Variants in PTPRD observed in about 807,000 individuals in gnomAD.
The protein encoded by PTPRD is receptor-type tyrosine-protein phosphatase delta.
A neutral mutation model predicts 214.5 loss-of-function variants in PTPRD; 34 were observed. The observed-to-expected ratio is 0.16, with a 90% CI of 0.12 to 0.21. PTPRD has a LOEUF of 0.21. Ranked by LOEUF, PTPRD falls within the 10% of genes least tolerant of loss-of-function variation. PTPRD has a pLI of 1.00. For missense variants in PTPRD, 2,545 were observed against 2,398.7 expected, an observed-to-expected ratio of 1.06 and a Z score of -1.27; for synonymous variants, 1,128 against 845.7, an observed-to-expected ratio of 1.33 and a Z score of -5.79.
rs71332760 is a variant in PTPRD at position 10,564,171 on chromosome 9, CTTTTTTTT to C, written c.-600+48219_-600+48226del. On this transcript the variant is annotated intron_variant, in intron 2 of 45. Coordinates refer to ENST00000381196, the MANE Select transcript of PTPRD (RefSeq NM_002839.4). ...GTGTGCACCACCACACTAGGCTATT[CTTTTTTTT>C]TTTTTTTTTTTTTTTTGAGACATAG... 1.2e-3 allele frequency among the ~76,000 whole-genome samples: 34 copies of C among 29,408 alleles called. 3 individuals carry two copies. The highest frequency in any genetic ancestry group is 4.6e-3 in the African/African-American group (29 of 6,260). 19.3% of individuals were successfully genotyped at this position (29,408 alleles called of 152,430 possible). A position where few individuals can be genotyped will look rare whatever the true frequency, so the allele number is the denominator to read the frequency against.
intron 9 of PTPRD, among the ~76,000 whole-genome samples, chr9:9,211,515 GCACA>G (rs36213005): frequency 0.16 from 22,701 of 143,266 alleles, 1,782 homozygotes; most frequent in African/African-American, 0.19. Flanking sequence ...GTGTGCGCAC[GCACA>G]CACACACACA....
rs186197811 is a variant in PTPRD at position 10,471,370 on chromosome 9, T to C, written c.-599-130353A>G. On this transcript the variant is annotated intron_variant, in intron 2 of 45. Transcript: ENST00000381196. ...GGGTTTGGGGGTCATGGGTGTCAGC[T>C]AAATTATTTCTTTGTACTTTTTAAA... Among the ~76,000 whole-genome samples, 613 of 152,286 alleles carry C rather than the reference T, an allele frequency of 4.0e-3. 6 individuals are homozygous for C. Among genetic ancestry groups the C allele is most frequent in the African/African-American group, 0.014 (583 of 41,556 alleles).
At chr9:8,815,696 G>A (rs1251271499) in intron 11 of PTPRD, among the ~76,000 whole-genome samples, 1 of 151,868 alleles carries the variant, frequency 6.6e-6, no homozygotes, top group African/African-American at 2.4e-5. Flanking sequence ...TTATTCCTAG[G>A]CAACTTTTAA....
At chr9:9,381,309 G>A (rs909748803) in intron 9 of PTPRD, among the ~76,000 whole-genome samples, 1 of 147,424 alleles carries the variant, frequency 6.8e-6, no homozygotes, top group East Asian at 2.0e-4. Flanking sequence ...AGTTTTAATT[G>A]TACATTTATA....
At chr9:10,518,405 C>A (rs762192479) in intron 2 of PTPRD, among the ~76,000 whole-genome samples, 1 of 151,986 alleles carries the variant, frequency 6.6e-6, no homozygotes, top group Non-Finnish European at 1.5e-5. Flanking sequence ...AAATTAAGCA[C>A]CATGTTGGCA....
intron 3 of PTPRD, among the ~76,000 whole-genome samples, chr9:10,092,104 T>C (rs17680832): frequency 0.025 from 3,793 of 151,506 alleles, 66 homozygotes; most frequent in Middle Eastern, 0.082. Flanking sequence ...CAGAGTTCCA[T>C]GCAACGAGGT....
chr9:9,762,617 A>T (rs2098668747), intron 6 of PTPRD, among the ~76,000 whole-genome samples: 1 of 152,208 alleles, frequency 6.6e-6, no homozygotes, highest in South Asian at 2.1e-4. Flanking sequence ...CTATTCAGCC[A>T]AGTTCTTTGC....
chr9:10,320,011 A>C (rs909619570), intron 3 of PTPRD, among the ~76,000 whole-genome samples: 4 of 152,056 alleles, frequency 2.6e-5, no homozygotes, highest in Non-Finnish European at 5.9e-5. Flanking sequence ...AAAATGCCTA[A>C]AATGCATTAT....
intron 9 of PTPRD, among the ~76,000 whole-genome samples, chr9:9,187,523 G>A (rs1486558855): frequency 3.3e-5 from 5 of 151,998 alleles, no homozygotes; most frequent in African/African-American, 1.2e-4. Context: ...GTGATTTTAA[G>A]CTTTGCTTGG....
chr9:8,446,917 T>G (rs556977986), intron 34 of PTPRD, among the ~76,000 whole-genome samples: 1 of 152,170 alleles, frequency 6.6e-6, no homozygotes, highest in Non-Finnish European at 1.5e-5. Flanking sequence ...TGGCAAGTAA[T>G]TATGGTAATT....
At chr9:9,004,183 T>C (rs187249221) in intron 11 of PTPRD, among the ~76,000 whole-genome samples, 2 of 152,180 alleles carry the variant, frequency 1.3e-5, no homozygotes, top group Admixed American at 6.6e-5. Flanking sequence ...TGTTTTGATA[T>C]TCAGTATCAT....
intron 3 of PTPRD, among the ~76,000 whole-genome samples, chr9:10,103,951 T>C (rs1441121129): frequency 6.6e-6 from 1 of 151,746 alleles, no homozygotes; most frequent in Non-Finnish European, 1.5e-5. Context: ...AAATAAAATG[T>C]GGTATATCCA....
chr9:9,036,386 A>C (rs564959444), intron 10 of PTPRD, among the ~76,000 whole-genome samples: 168 of 152,120 alleles, frequency 1.1e-3, no homozygotes, highest in Non-Finnish European at 2.1e-3. Flanking sequence ...GTGATTGTTA[A>C]AAATATAGGG....
Position 9,947,532 on chromosome 9 carries a change from T to A in PTPRD, c.-471-8922A>T, listed in dbSNP as rs1307653847. Among the ~76,000 whole-genome samples, 46 of 21,180 alleles carry A rather than the reference T, an allele frequency of 2.2e-3. 1 individual carries two copies. The South Asian group carries it at 0.025, about 12-fold the overall frequency. 13.9% of individuals were successfully genotyped at this position (21,180 alleles called of 152,430 possible). ...TATATAATATATATATTATATATAT[T>A]TTATATATAATATATATATTATATA... On this transcript the variant is annotated intron_variant, in intron 4 of 45. Coordinates refer to ENST00000381196, the MANE Select transcript of PTPRD (RefSeq NM_002839.4).
rs986098496 is a variant in PTPRD, at chr9:9,064,745, T to A, written c.-142-46010A>T. On this transcript the variant is annotated intron_variant, in intron 10 of 45. Coordinates refer to ENST00000381196, the MANE Select transcript of PTPRD (RefSeq NM_002839.4). ...CAGTTAGTATGGACATTCGGTCAGA[T>A]TGATAAAAATCATCACGGTAATAAT... Among the ~76,000 whole-genome samples, 4 of 152,338 alleles carry A rather than the reference T, an allele frequency of 2.6e-5. No individual in the cohort carries two copies. In the South Asian group the frequency reaches 8.3e-4, roughly 32 times the overall value.
At chr9:10,379,750 A>C (rs898448999) in intron 2 of PTPRD, among the ~76,000 whole-genome samples, 1 of 152,058 alleles carries the variant, frequency 6.6e-6, no homozygotes, top group East Asian at 1.9e-4. Context: ...TAACTTATTT[A>C]TGATCAAAAA....
intron 3 of PTPRD, among the ~76,000 whole-genome samples, chr9:10,160,755 G>A (rs75236972): frequency 0.052 from 7,884 of 151,850 alleles, 298 homozygotes; most frequent in East Asian, 0.12. Flanking sequence ...GAAACAAAGG[G>A]CATCCAAATT....
chr9:9,046,304 A>G (rs768049998), intron 10 of PTPRD, among the ~76,000 whole-genome samples: 2 of 152,204 alleles, frequency 1.3e-5, no homozygotes, highest in Non-Finnish European at 2.9e-5. Flanking sequence ...CCATCTTAGA[A>G]GATATCCAGC....
chr9:9,733,220 G>A (rs746477037), intron 7 of PTPRD, among the ~76,000 whole-genome samples: 3 of 152,128 alleles, frequency 2.0e-5, no homozygotes, highest in Admixed American at 1.3e-4. Context: ...TAAGGAATAA[G>A]ACAGAGAGAA....
Sources: allele counts gnomAD v4.1 joint callset (sites outside exome capture counted in the v4.1 genomes callset), GRCh38; gene constraint gnomAD v4.1.1; transcripts MANE v1.5; gene names NCBI Gene and HGNC (gene_info 2026-07-23, HGNC 2026-07-21).